Variants in PACS2 observed in about 807,000 individuals in gnomAD.
The protein encoded by PACS2 is phosphofurin acidic cluster sorting protein 2.
A neutral mutation model predicts 113.0 loss-of-function variants in PACS2; 36 were observed. The observed-to-expected ratio is 0.32, with a 90% CI of 0.24 to 0.42. The LOEUF is 0.42. Ranked by LOEUF, PACS2 falls within the 10% of genes least tolerant of loss-of-function variation. The pLI is 1.00. For synonymous variants in PACS2, 589 were observed against 536.1 expected, an observed-to-expected ratio of 1.10 and a Z score of -1.36; for missense variants, 1,015 against 1,239.5, an observed-to-expected ratio of 0.82 and a Z score of 2.72.
intron 8 of PACS2, among the ~76,000 whole-genome samples, chr14:105,375,527 C>T (rs1229827476): frequency 6.7e-6 from 1 of 150,180 alleles, no homozygotes; most frequent in African/African-American, 2.5e-5. Context: ...AAATAGATTT[C>T]TTCAAAGACA....
intron 1 of PACS2, chr14:105,336,315 G>C (rs587748553): frequency 6.6e-6 from 1 of 152,368 alleles, no homozygotes. Flanking sequence ...TCAGAAATCC[G>C]TGAAGTGCTC....
chr14:105,356,315 T>G lies in PACS2; in HGVS notation c.423+1138T>G, dbSNP rs2060444822. ...CCTGCTACCCCAGGAGATGGGAGCG[T>G]GGAGGGTACAGGAAGCAGCAGTGGC... On this transcript the variant is annotated intron_variant, in intron 4 of 24. Transcript: ENST00000447393. The surrounding 1 kb of genome is among the most constrained non-coding windows in gnomAD (Gnocchi z 4.0). Among the ~76,000 whole-genome samples, 1 of 152,126 alleles carries G rather than the reference T, an allele frequency of 6.6e-6. No homozygotes were observed. The highest frequency in any genetic ancestry group is 6.5e-5 in the Admixed American group (1 of 15,278).
In PACS2 at chr14:105,368,621, G is replaced by A. The variant is rs1392884833; in HGVS notation, c.741+82G>A. On this transcript the variant is annotated intron_variant, in intron 7 of 24. Coordinates refer to ENST00000447393, the MANE Select transcript of PACS2 (RefSeq NM_001100913.3). ...GGGAGCCTGGGCGTGGGGGGGACACGGGCGTGGGAAGTGAGATCTCACCCC... is the reference window on the plus strand; with the variant it reads ...GGGAGCCTGGGCGTGGGGGGGACACAGGCGTGGGAAGTGAGATCTCACCCC... 7 of 1,065,280 alleles carry A rather than the reference G, an allele frequency of 6.6e-6. No individual in the cohort carries two copies. In the East Asian group the frequency reaches 7.1e-5, roughly 11 times the overall value. 66.0% of individuals were successfully genotyped at this position (1,065,280 alleles called of 1,614,324 possible). A position where few individuals can be genotyped will look rare whatever the true frequency, so the allele number is the denominator to read the frequency against.
chr14:105,355,326 C>CT lies in PACS2; in HGVS notation c.423+149_423+150insT. The CT allele has an allele frequency of 1.0e-6, 1 of 966,794 alleles. No homozygotes were observed. The highest frequency in any genetic ancestry group is 1.5e-6 in the Non-Finnish European group (1 of 673,914). The allele number at this position is 966,794 out of a possible 1,614,324, so 59.9% of individuals were successfully genotyped here. ...GAGGAGCCTGGGCGGCCGGGCTCCGCCATAAGGGCCAGGTGCGGCCCCAGG... is the reference window on the plus strand; with the variant it reads ...GAGGAGCCTGGGCGGCCGGGCTCCGCTCATAAGGGCCAGGTGCGGCCCCAGG... On this transcript the variant is annotated intron_variant, in intron 4 of 24. Coordinates refer to ENST00000447393, the MANE Select transcript of PACS2 (RefSeq NM_001100913.3). The surrounding 1 kb of genome is among the most constrained non-coding windows in gnomAD (Gnocchi z 4.1).
At chr14:105,335,326 G>C (rs73359031) in intron 1 of PACS2, among the ~76,000 whole-genome samples, 4,796 of 142,678 alleles carry the variant, frequency 0.034, 591 homozygotes, top group African/African-American at 0.14. Flanking sequence ...TGGAGTGGCT[G>C]TGACGCTGTG....
chr14:105,346,269 C>G (rs2059913349), intron 1 of PACS2, among the ~76,000 whole-genome samples: 1 of 152,160 alleles, frequency 6.6e-6, no homozygotes, highest in South Asian at 2.1e-4. Context: ...GGAAAGCAGA[C>G]TCATTTCCGG....
intron 8 of PACS2, among the ~76,000 whole-genome samples, chr14:105,375,159 CAAAG>C (rs1298349467): frequency 6.6e-6 from 1 of 151,692 alleles, no homozygotes; most frequent in African/African-American, 2.4e-5. Context: ...TTCTCAAAGA[CAAAG>C]AACAGTGAAT....
intron 4 of PACS2, among the ~76,000 whole-genome samples, chr14:105,361,816 G>A (rs2060694337): frequency 2.0e-5 from 3 of 152,296 alleles, no homozygotes; most frequent in Admixed American, 2.0e-4. Flanking sequence ...GGGTGTGGTG[G>A]CACATGCCTG....
Position 105,355,474 on chromosome 14 carries a change from C to A in PACS2, c.423+297C>A, listed in dbSNP as rs587634419. ...AGTGGAGGCTGGGTTTTGGGTCAGG[C>A]TGCTCTGGAGTCCTTCCCATGGAGG... On this transcript the variant is annotated intron_variant, in intron 4 of 24. Transcript: ENST00000447393. This position sits in a 1 kb window ranked among gnomAD's most constrained non-coding sequence, Gnocchi z 4.1. 6.6e-6 allele frequency among the ~76,000 whole-genome samples: 1 copy of A among 152,228 alleles called. No homozygotes were observed. The highest frequency in any genetic ancestry group is 2.4e-5 in the African/African-American group (1 of 41,470).
At chr14:105,311,652 C>G (rs191335755), upstream of PACS2, among the ~76,000 whole-genome samples, 118 of 152,268 alleles carry the variant, frequency 7.7e-4, 1 homozygote, top group East Asian at 0.015. Context: ...TCTACAACCC[C>G]GGGGTTGATT....
rs2081577324 is a variant in PACS2, at chr14:105,398,141, G to A, written c.*3469G>A. Reference sequence around the variant, plus strand: ...GATGCAACACTAATAAACCTGGAGGGGCCGGCCCCCGCCTGCAGTGTGATT... The same window carrying A: ...GATGCAACACTAATAAACCTGGAGGAGCCGGCCCCCGCCTGCAGTGTGATT... On this transcript the variant is annotated 3_prime_UTR_variant, in exon 25 of 25. Coordinates refer to ENST00000447393, the MANE Select transcript of PACS2 (RefSeq NM_001100913.3). 6.6e-6 allele frequency: 1 copy of A among 152,162 alleles called. No homozygotes were observed. Among genetic ancestry groups the A allele is most frequent in the African/African-American group, 2.4e-5 (1 of 41,442 alleles). 9.4% of individuals were successfully genotyped at this position (152,162 alleles called of 1,614,324 possible).
intron 4 of PACS2, among the ~76,000 whole-genome samples, chr14:105,363,555 T>G (rs1251729326): frequency 6.6e-6 from 1 of 152,032 alleles, no homozygotes; most frequent in African/African-American, 2.4e-5. Context: ...GTGAAGGGAG[T>G]CAGGGCCTTG....
At chr14:105,370,173 GT>G (rs1214763288) in intron 8 of PACS2, 4,681 of 289,002 alleles carry the variant, frequency 0.016, 17 homozygotes, top group African/African-American at 0.027. Flanking sequence ...TAGTTTGTGT[GT>G]TTTTTTTTTT....
At chr14:105,303,326 C>T (rs1214444364) in intron 1 of PACS2, among the ~76,000 whole-genome samples, 3 of 152,174 alleles carry the variant, frequency 2.0e-5, no homozygotes, top group Admixed American at 6.5e-5. Context: ...TCACTGTAAC[C>T]TCCACCTCCC....
chr14:105,305,173 G>A (rs989744812), intron 1 of PACS2, among the ~76,000 whole-genome samples: 1 of 152,168 alleles, frequency 6.6e-6, no homozygotes, highest in African/African-American at 2.4e-5. Flanking sequence ...GGCTGAGGAG[G>A]GAGGATTGCT....
chr14:105,373,185 G>A (rs1162662549), intron 8 of PACS2, among the ~76,000 whole-genome samples: 2 of 152,226 alleles, frequency 1.3e-5, no homozygotes, highest in Non-Finnish European at 2.9e-5. Context: ...ACAAATTCAA[G>A]TGCGTATCAG....
chr14:105,392,732 C>A lies in PACS2; in HGVS notation c.2369C>A (p.Thr790Lys), dbSNP rs782254328. 5.6e-6 allele frequency: 9 copies of A among 1,612,808 alleles called. No homozygotes were observed. The highest frequency in any genetic ancestry group is 1.1e-5 in the South Asian group (1 of 91,084). The change falls in exon 23 of 25, where the codon ACG (threonine) becomes AAG (lysine). Residue 790 changes from threonine (T) to lysine (K), a missense_variant. Coordinates refer to ENST00000447393, the MANE Select transcript of PACS2 (RefSeq NM_001100913.3). ...AAGGACCTGCCTGTCACCAAAAACA[C>A]GCTCAAGTGCACTTTCCGGTCCCTC... ...EKKDLPVTKNTLKCTFRSLQV... is the reference protein window; with the variant it reads ...EKKDLPVTKNKLKCTFRSLQV...
chr14:105,387,436 C>T (rs923122800), intron 19 of PACS2, among the ~76,000 whole-genome samples: 3 of 152,230 alleles, frequency 2.0e-5, no homozygotes, highest in Non-Finnish European at 4.4e-5. Context: ...TGCCCAGGGC[C>T]ATGCGGAGTG....
chr14:105,362,211 G>C (rs934561980), intron 4 of PACS2, among the ~76,000 whole-genome samples: 1 of 151,684 alleles, frequency 6.6e-6, no homozygotes, highest in African/African-American at 2.4e-5. Flanking sequence ...GAGGTCAGGA[G>C]ATCAAGACCA....
Sources: gnomAD v4.1 joint callset for allele counts (sites outside exome capture counted in the v4.1 genomes callset) on GRCh38, gnomAD v4.1.1 for gene constraint, Gnocchi (gnomAD v3.1) non-coding constraint, MANE v1.5 for transcripts, NCBI Gene and HGNC (gene_info 2026-07-23, HGNC 2026-07-21) for gene names.